DNAJC3: variants seen among roughly 807,000 people sequenced by gnomAD.
DNAJC3 encodes dnaJ homolog subfamily C member 3.
A neutral mutation model predicts 68.6 loss-of-function variants in DNAJC3; 38 were observed. That is an observed-to-expected ratio of 0.55 (90% CI 0.43 to 0.73). The LOEUF is 0.73. Ranked by LOEUF, DNAJC3 falls within the 30% of genes least tolerant of loss-of-function variation. The pLI is 0.00. For missense variants in DNAJC3, 526 were observed against 591.9 expected (o/e 0.89, Z 1.16); for synonymous variants, 203 against 204.0 (o/e 1.00, Z 0.04).
intron 1 of DNAJC3, among the ~76,000 whole-genome samples, chr13:95,687,634 C>T (rs780456861): frequency 2.0e-5 from 3 of 152,110 alleles, no homozygotes; most frequent in Non-Finnish European, 4.4e-5. Flanking sequence ...CTACCTAAAG[C>T]AATCCACATA....
intron 11 of DNAJC3, among the ~76,000 whole-genome samples, chr13:95,788,706 A>G (rs968983047): frequency 1.3e-5 from 2 of 152,200 alleles, no homozygotes; most frequent in Non-Finnish European, 2.9e-5. Flanking sequence ...ATGTGAATAT[A>G]GCTGAATTCA....
chr13:95,752,585 C>T (rs753970207), intron 4 of DNAJC3, among the ~76,000 whole-genome samples: 1 of 152,158 alleles, frequency 6.6e-6, no homozygotes, highest in Non-Finnish European at 1.5e-5. Flanking sequence ...TGATGTTCCA[C>T]AAAACTCCAC....
At chr13:95,680,375 T>G (rs890435547) in intron 1 of DNAJC3, among the ~76,000 whole-genome samples, 2 of 152,216 alleles carry the variant, frequency 1.3e-5, no homozygotes, top group Admixed American at 6.5e-5. Context: ...GTATAAAATA[T>G]TGTGATAAGT....
In DNAJC3 at chr13:95,794,460, G is replaced by GTTGAC. The variant is rs2139707423; in HGVS notation, c.*3433_*3437dup. On this transcript the variant is annotated 3_prime_UTR_variant, in exon 12 of 12. Transcript: ENST00000602402. Reference sequence around the variant, plus strand: ...AGTTCACGCAACTTTGTTGAATGTAGTTGACTTTTCCAAATTTATAAAGGA... The same window carrying GTTGAC: ...AGTTCACGCAACTTTGTTGAATGTAGTTGACTTGACTTTTCCAAATTTATAAAGGA... 2 of 152,352 alleles carry GTTGAC rather than the reference G, an allele frequency of 1.3e-5. No homozygotes were observed. The highest frequency in any genetic ancestry group is 3.9e-4 in the East Asian group (2 of 5,192). 9.4% of individuals were successfully genotyped at this position (152,352 alleles called of 1,614,324 possible). A position where few individuals can be genotyped will look rare whatever the true frequency, so the allele number is the denominator to read the frequency against.
At chr13:95,690,875 G>A (rs1195879410) in intron 1 of DNAJC3, among the ~76,000 whole-genome samples, 3 of 140,332 alleles carry the variant, frequency 2.1e-5, no homozygotes, top group Non-Finnish European at 4.7e-5. Flanking sequence ...CCGGGCAGAG[G>A]CGCCCCTCAC....
intron 2 of DNAJC3, among the ~76,000 whole-genome samples, chr13:95,722,583 G>A (rs1881355640): frequency 1.3e-5 from 2 of 150,628 alleles, no homozygotes; most frequent in Admixed American, 1.3e-4. Flanking sequence ...GACCAGCTTA[G>A]GCAACATGGT....
intron 2 of DNAJC3, among the ~76,000 whole-genome samples, chr13:95,719,313 G>A (rs1451133577): frequency 1.3e-5 from 2 of 152,104 alleles, no homozygotes; most frequent in African/African-American, 4.8e-5. Context: ...AGGTTTTTGT[G>A]TACACATTAT....
rs1026021509 is a variant in DNAJC3 at position 95,794,016 on chromosome 13, A to G, written c.*2986A>G. On this transcript the variant is annotated 3_prime_UTR_variant, in exon 12 of 12. Coordinates refer to ENST00000602402, the MANE Select transcript of DNAJC3 (RefSeq NM_006260.5). Reference sequence around the variant, plus strand: ...TTCTGAAAGTTTGTGCTTTCTTACCATGAATAGATGAAAACTTGAAAAAAA... The same window carrying G: ...TTCTGAAAGTTTGTGCTTTCTTACCGTGAATAGATGAAAACTTGAAAAAAA... 6.6e-6 allele frequency: 1 copy of G among 152,214 alleles called. No individual in the cohort carries two copies. The highest frequency in any genetic ancestry group is 2.4e-5 in the African/African-American group (1 of 41,454). The allele number at this position is 152,214 out of a possible 1,614,324, so 9.4% of individuals were successfully genotyped here.
rs552248874 is a variant in DNAJC3, at chr13:95,787,493, G to A, written c.1357+338G>A. 9.3e-4 allele frequency among the ~76,000 whole-genome samples: 142 copies of A among 152,256 alleles called. 1 individual carries two copies. The highest frequency in any genetic ancestry group is 7.9e-4 in the Non-Finnish European group (54 of 68,018). On this transcript the variant is annotated intron_variant, in intron 11 of 11. Transcript: ENST00000602402. ...GTTCCCTCTAACCTCAAAGGTCAAT[G>A]ATGAATTTTCTCCACCAAGCTTACA... is the stretch of plus-strand genomic sequence containing the variant.
At chr13:95,760,547 T>C in intron 6 of DNAJC3, 132 bp from the exon 7 acceptor site, 1 of 1,174,386 alleles carries the variant, frequency 8.5e-7, no homozygotes. Flanking sequence ...ATGTATATAG[T>C]AAATTATAAG....
At chr13:95,710,762 C>T (rs1880930662) in intron 2 of DNAJC3, among the ~76,000 whole-genome samples, 1 of 152,200 alleles carries the variant, frequency 6.6e-6, no homozygotes, top group Admixed American at 6.5e-5. Flanking sequence ...TCTTGGCTCA[C>T]TGCAACCTCT....
intron 4 of DNAJC3, among the ~76,000 whole-genome samples, chr13:95,753,097 C>T (rs1361558218): frequency 6.6e-6 from 1 of 152,158 alleles, no homozygotes; most frequent in Non-Finnish European, 1.5e-5. Context: ...TTCTTCTTCC[C>T]TCCTGCTCTC....
intron 4 of DNAJC3, among the ~76,000 whole-genome samples, chr13:95,744,327 A>G (rs1030873857): frequency 1.5e-4 from 23 of 152,188 alleles, no homozygotes; most frequent in African/African-American, 4.6e-4. Flanking sequence ...ACTTAATTCT[A>G]TGAGAGAAAT....
intron 4 of DNAJC3, among the ~76,000 whole-genome samples, chr13:95,737,304 T>C (rs1224961759): frequency 6.6e-6 from 1 of 152,182 alleles, no homozygotes; most frequent in African/African-American, 2.4e-5. Flanking sequence ...TGTCCCTGCC[T>C]GGCTTTGGTA....
intron 1 of DNAJC3, among the ~76,000 whole-genome samples, chr13:95,698,412 G>C (rs1037408827): frequency 6.6e-6 from 1 of 152,204 alleles, no homozygotes; most frequent in Non-Finnish European, 1.5e-5. Flanking sequence ...TAGCTGGATA[G>C]AGCTGGATCG....
At chr13:95,757,191 A>G (rs979616184) in intron 4 of DNAJC3, among the ~76,000 whole-genome samples, 3 of 152,148 alleles carry the variant, frequency 2.0e-5, no homozygotes, top group African/African-American at 7.2e-5. Context: ...CCTCTAAAAA[A>G]GCTGGCCCCT....
At chr13:95,790,036 T>G (rs768974163) in intron 11 of DNAJC3, among the ~76,000 whole-genome samples, 10 of 152,320 alleles carry the variant, frequency 6.6e-5, no homozygotes, top group Non-Finnish European at 1.2e-4. Flanking sequence ...TTGCAAAAAT[T>G]TTCTCCCATT....
At chr13:95,767,230 T>C (rs1394640635) in intron 9 of DNAJC3, among the ~76,000 whole-genome samples, 1 of 152,216 alleles carries the variant, frequency 6.6e-6, no homozygotes, top group African/African-American at 2.4e-5. Flanking sequence ...TCTGTCACTA[T>C]GAATTTGACT....
Position 95,790,921 on chromosome 13 carries a change from G to C in DNAJC3, c.1406G>C (p.Ser469Thr). The change falls in exon 12 of 12, where the codon AGC becomes ACC. Residue 469 changes from serine to threonine, a missense_variant. Physicochemically the swap from Ser to Thr is moderately conservative, Grantham distance 58 (BLOSUM62 1). Coordinates refer to ENST00000602402, the MANE Select transcript of DNAJC3 (RefSeq NM_006260.5). Reference protein sequence around the residue: ...DDGEDPLDAESQQGGGGNPFH... With the variant: ...DDGEDPLDAETQQGGGGNPFH... ...GGAGAAGATCCTTTGGATGCAGAGA[G>C]CCAGCAAGGAGGCGGCGGCAACCCT... 6.2e-7 allele frequency: 1 copy of C among 1,607,820 alleles called. No individual in the cohort carries two copies. The highest frequency in any genetic ancestry group is 8.5e-7 in the Non-Finnish European group (1 of 1,178,652).
Sources: gnomAD v4.1 joint callset for allele counts (sites outside exome capture counted in the v4.1 genomes callset) on GRCh38, gnomAD v4.1.1 for gene constraint, MANE v1.5 for transcripts, NCBI Gene and HGNC (gene_info 2026-07-23, HGNC 2026-07-21) for gene names.